TACC1: variants seen among roughly 807,000 people sequenced by gnomAD.
TACC1 encodes the protein transforming acidic coiled-coil-containing protein 1.
A neutral mutation model predicts 84.4 loss-of-function variants in TACC1; 48 were observed. The ratio of observed to expected loss-of-function variants is 0.57; its 90% CI spans 0.45 to 0.72. TACC1 has a LOEUF of 0.72. Ranked by LOEUF, TACC1 falls within the 30% of genes least tolerant of loss-of-function variation. The probability of loss-of-function intolerance (pLI) is 0.00; values close to 1 mark genes in which losing one functional copy is unlikely to be tolerated. For missense variants in TACC1, 920 were observed against 973.0 expected (o/e 0.95, Z 0.72); for synonymous variants, 372 against 376.3 (o/e 0.99, Z 0.13).
intron 2 of TACC1, among the ~76,000 whole-genome samples, chr8:38,813,064 T>C (rs1234642381): frequency 4.6e-5 from 7 of 152,232 alleles, no homozygotes; most frequent in African/African-American, 1.7e-4. Context: ...TAGTTGTGCA[T>C]ATGATCCAAA....
chr8:38,820,295 C>T lies in TACC1; in HGVS notation c.1051C>T (p.Pro351Ser), dbSNP rs1826443303. ...LGRKLGSTLT[P>S]KIQKDGISKS... ...CAGGAAACTGGGTAGCACACTGACTCCCAAGATACAAAAAGATGGCATCAG... is the reference window on the plus strand; with the variant it reads ...CAGGAAACTGGGTAGCACACTGACTTCCAAGATACAAAAAGATGGCATCAG... Residue 351 changes from proline to serine, a missense_variant, in exon 3 of 13, where the codon CCC becomes TCC. Physicochemically the swap from Pro to Ser is moderately conservative, Grantham distance 74. Coordinates refer to ENST00000317827, the MANE Select transcript of TACC1 (RefSeq NM_006283.3). The T allele has an allele frequency of 1.2e-6, 2 of 1,614,004 alleles. No individual in the cohort carries two copies. The highest frequency in any genetic ancestry group is 1.1e-5 in the South Asian group (1 of 91,080).
intron 6 of TACC1, among the ~76,000 whole-genome samples, chr8:38,832,975 T>C (rs1829559459): frequency 6.6e-6 from 1 of 152,216 alleles, no homozygotes; most frequent in South Asian, 2.1e-4. Context: ...TCCTCAATTG[T>C]GAATGTTTTG....
chr8:38,817,919 TAAAAAAAAAAA>T (rs60301511), intron 2 of TACC1, among the ~76,000 whole-genome samples: 3 of 47,796 alleles, frequency 6.3e-5, no homozygotes, highest in Non-Finnish European at 7.5e-5. Flanking sequence ...GAGAGACCCC[TAAAAAAAAAAA>T]AAAAAAAAAA....
chr8:38,779,958 G>T (rs2151938492), intron 3 of TACC1, among the ~76,000 whole-genome samples: 1 of 152,308 alleles, frequency 6.6e-6, no homozygotes, highest in Admixed American at 6.5e-5. Context: ...GGGCTTAAAT[G>T]ATCTTACTTG....
chr8:38,832,288 TAC>T (rs1356330377), intron 6 of TACC1, among the ~76,000 whole-genome samples: 1 of 152,232 alleles, frequency 6.6e-6, no homozygotes, highest in African/African-American at 2.4e-5. Context: ...TGTGTTAGAA[TAC>T]ACTGGTGTGG....
chr8:38,788,387 G>C (rs2151989636), intron 1 of TACC1: 1 of 256,514 alleles, frequency 3.9e-6, no homozygotes, highest in African/African-American at 2.2e-5. Context: ...AAGGGCTCTT[G>C]TGACAAAAGG....
chr8:38,828,203 C>T (rs1247338085), intron 5 of TACC1: 1 of 152,156 alleles, frequency 6.6e-6, no homozygotes, highest in Non-Finnish European at 1.5e-5. Flanking sequence ...GTTTTAAGTG[C>T]TTTGCATATA....
intron 3 of TACC1, among the ~76,000 whole-genome samples, chr8:38,770,134 C>T (rs569194338): frequency 3.5e-4 from 53 of 151,928 alleles, no homozygotes; most frequent in Non-Finnish European, 5.4e-4. Context: ...CTCCCCCATC[C>T]TTCCTCACAG....
In TACC1 at chr8:38,820,405, T is replaced by G; in HGVS notation, c.1161T>G (p.Ser387Arg). 1 of 1,614,178 alleles carries G rather than the reference T, an allele frequency of 6.2e-7. No homozygotes were observed. Among genetic ancestry groups the G allele is most frequent in the Non-Finnish European group, 8.5e-7 (1 of 1,180,024 alleles). Residue 387 changes from serine (S) to arginine (R), a missense_variant, in exon 3 of 13, where the codon AGT (serine) becomes AGG (arginine). This residue lies in a region of TACC1 where 762 missense variants were observed against 747.3 expected (regional missense o/e 1.02). Transcript: ENST00000317827. ...LSQTSSKPDP[S>R]QWESPSFNPF... ...AAACATCTTCCAAGCCAGATCCTAGTCAGTGGGAAAGCCCCAGCTTCAACC... is the reference window on the plus strand; with the variant it reads ...AAACATCTTCCAAGCCAGATCCTAGGCAGTGGGAAAGCCCCAGCTTCAACC...
rs2152250692 is a variant in TACC1 at position 38,825,358 on chromosome 8, C to T, written c.1442C>T (p.Ala481Val). The change falls in exon 4 of 13, where the codon GCA becomes GTA. Residue 481 changes from alanine to valine, a missense_variant. Physicochemically the swap from Ala to Val is moderately conservative, Grantham distance 64. Coordinates refer to ENST00000317827, the MANE Select transcript of TACC1 (RefSeq NM_006283.3). ...GAAACTCAGTCTCTCGCCCTGGATG[C>T]ATGTTCTCGGGTGAGTCTGTGCCCA... is the stretch of plus-strand genomic sequence containing the variant. ...KHETQSLALD[A>V]CSRDEGAVIS... 6.2e-7 allele frequency: 1 copy of T among 1,614,148 alleles called. No individual in the cohort carries two copies. Among genetic ancestry groups the T allele is most frequent in the Non-Finnish European group, 8.5e-7 (1 of 1,180,008 alleles).
intron 2 of TACC1, among the ~76,000 whole-genome samples, chr8:38,810,849 G>T (rs569160704): frequency 6.6e-6 from 1 of 152,238 alleles, no homozygotes; most frequent in African/African-American, 2.4e-5. Flanking sequence ...AGGCATGGTG[G>T]CTCACACCTG....
chr8:38,834,524 A>G (rs749682773), intron 6 of TACC1, among the ~76,000 whole-genome samples: 7 of 152,202 alleles, frequency 4.6e-5, no homozygotes, highest in Non-Finnish European at 1.0e-4. Context: ...TTCTAGTGGT[A>G]GATTTTTCCC....
chr8:38,797,736 T>C (rs1820319465), intron 2 of TACC1, among the ~76,000 whole-genome samples: 1 of 152,232 alleles, frequency 6.6e-6, no homozygotes, highest in African/African-American at 2.4e-5. Context: ...ACATTATGGT[T>C]GTTTGGCAGC....
intron 3 of TACC1, among the ~76,000 whole-genome samples, chr8:38,781,914 C>G (rs1330532693): frequency 1.3e-5 from 2 of 151,210 alleles, no homozygotes; most frequent in Non-Finnish European, 3.0e-5. Context: ...TTGGACAGCC[C>G]TCTTTTTTAT....
chr8:38,838,522 C>T lies in TACC1; in HGVS notation c.1892C>T (p.Thr631Ile). The T allele has an allele frequency of 6.2e-7, 1 of 1,613,824 alleles. No individual in the cohort carries two copies. The highest frequency in any genetic ancestry group is 1.3e-5 in the African/African-American group (1 of 75,002). ...GAATGGAAGAAGAAATACGAAGAGA[C>T]CCGGCAAGAAGTTTTGGAGATGAGG... is the stretch of plus-strand genomic sequence containing the variant. Reference protein sequence around the residue: ...ANEWKKKYEETRQEVLEMRKI... With the variant: ...ANEWKKKYEEIRQEVLEMRKI... Residue 631 changes from threonine (T) to isoleucine (I), a missense_variant, in exon 8 of 13, where the codon ACC becomes ATC. Coordinates refer to ENST00000317827, the MANE Select transcript of TACC1 (RefSeq NM_006283.3).
intron 3 of TACC1, among the ~76,000 whole-genome samples, chr8:38,781,418 G>A (rs1195462750): frequency 1.4e-5 from 2 of 146,980 alleles, no homozygotes; most frequent in African/African-American, 2.5e-5. Flanking sequence ...GACTTGTTCT[G>A]TCCCCCAGGC....
At chr8:38,761,616 A>G (rs1811223388) in intron 3 of TACC1, among the ~76,000 whole-genome samples, 1 of 152,250 alleles carries the variant, frequency 6.6e-6, no homozygotes, top group South Asian at 2.1e-4. Context: ...ACACAAGAAA[A>G]CATGAATTAA....
chr8:38,822,244 TTAAA>T (rs1431118396), intron 3 of TACC1, among the ~76,000 whole-genome samples: 1 of 84,670 alleles, frequency 1.2e-5, no homozygotes, highest in Non-Finnish European at 2.2e-5. Flanking sequence ...GACCCTGTCT[TTAAA>T]AAAAAAAAAA....
chr8:38,851,726 G>C lies in TACC1; in HGVS notation c.*3703G>C, dbSNP rs1833111535. On this transcript the variant is annotated 3_prime_UTR_variant, in exon 13 of 13. Transcript: ENST00000317827. ...CCTGTTGTTAGGAAGATAGAAACTA[G>C]GTTTTGAAAGATTACATGATTCAAG... 2 of 319,308 alleles carry C rather than the reference G, an allele frequency of 6.3e-6. No individual in the cohort carries two copies. Among genetic ancestry groups the C allele is most frequent in the African/African-American group, 4.3e-5 (2 of 46,150 alleles). 19.8% of individuals were successfully genotyped at this position (319,308 alleles called of 1,614,324 possible). A position where few individuals can be genotyped will look rare whatever the true frequency, so the allele number is the denominator to read the frequency against.
Sources: gnomAD v4.1 joint callset for allele counts (sites outside exome capture counted in the v4.1 genomes callset) on GRCh38, gnomAD v4.1.1 for gene constraint, gnomAD v4.1.1 regional missense constraint, MANE v1.5 for transcripts, NCBI Gene and HGNC (gene_info 2026-07-23, HGNC 2026-07-21) for gene names.